ADAMTS3: variants seen among roughly 807,000 people sequenced by gnomAD.
ADAMTS3 encodes ADAM metallopeptidase with thrombospondin type 1 motif 3.
In ADAMTS3, 73 loss-of-function variants were observed where a neutral mutation model predicts 129.0. That is an observed-to-expected ratio of 0.57 (90% CI 0.47 to 0.69). The LOEUF is 0.69. Among genes scored for constraint, ADAMTS3 ranks in the 30% least tolerant of loss-of-function variants. ADAMTS3 has a pLI of 0.00. For synonymous variants in ADAMTS3, 477 were observed against 510.8 expected, an observed-to-expected ratio of 0.93 and a Z score of 0.89; for missense variants, 1,457 against 1,514.5, an observed-to-expected ratio of 0.96 and a Z score of 0.63.
chr4:72,485,754 C>A (rs960826102), intron 3 of ADAMTS3, among the ~76,000 whole-genome samples: 2 of 152,150 alleles, frequency 1.3e-5, no homozygotes, highest in African/African-American at 4.8e-5. Flanking sequence ...AAAATTCATA[C>A]GTTGAAACCT....
intron 14 of ADAMTS3, among the ~76,000 whole-genome samples, chr4:72,310,750 C>A (rs564469184): frequency 2.0e-5 from 3 of 151,698 alleles, no homozygotes; most frequent in Non-Finnish European, 1.5e-5. Flanking sequence ...CTAAAATACC[C>A]GAAGCAAATG....
At chr4:72,546,569 C>G (rs1370353226) in intron 3 of ADAMTS3, among the ~76,000 whole-genome samples, 1 of 152,154 alleles carries the variant, frequency 6.6e-6, no homozygotes, top group Admixed American at 6.6e-5. Flanking sequence ...AGTTCTTCCA[C>G]TCACAACCAG....
At chr4:72,464,677 GCAA>G (rs750824657) in intron 3 of ADAMTS3, among the ~76,000 whole-genome samples, 1 of 151,944 alleles carries the variant, frequency 6.6e-6, no homozygotes, top group Non-Finnish European at 1.5e-5. Context: ...AATACTAATG[GCAA>G]CAACTAAGAA....
chr4:72,530,810 T>G (rs1245125095), intron 3 of ADAMTS3, among the ~76,000 whole-genome samples: 16 of 118,468 alleles, frequency 1.4e-4, no homozygotes, highest in African/African-American at 3.9e-4. Flanking sequence ...ATATATTATA[T>G]ATTATATATT....
intron 4 of ADAMTS3, among the ~76,000 whole-genome samples, chr4:72,382,190 T>A (rs1174485249): frequency 6.6e-6 from 1 of 152,136 alleles, no homozygotes; most frequent in East Asian, 1.9e-4. Flanking sequence ...ATATATTTTA[T>A]ATTATGGCAC....
chr4:72,311,165 G>A lies in ADAMTS3; in HGVS notation c.1938C>T (p.His646=), dbSNP rs1719224931. 1.2e-6 allele frequency: 2 copies of A among 1,610,680 alleles called. No homozygotes were observed. Among genetic ancestry groups the A allele is most frequent in the South Asian group, 2.2e-5 (2 of 90,654 alleles). Reference sequence around the variant, plus strand: ...CAGTCTCCTTGGACTGACAGTAAAGGTGGCATCTTTTCTTGGCTGCATAAG... The same window carrying A: ...CAGTCTCCTTGGACTGACAGTAAAGATGGCATCTTTTCTTGGCTGCATAAG... ...YEHPDPKKRC[H]LYCQSKETGD... is the part of the protein sequence containing the mutation. The change falls in exon 14 of 22, where the codon CAC becomes CAT. Residue 646 remains histidine, a synonymous_variant. Coordinates refer to ENST00000286657, the MANE Select transcript of ADAMTS3 (RefSeq NM_014243.3).
intron 3 of ADAMTS3, among the ~76,000 whole-genome samples, chr4:72,489,524 G>T (rs1719684126): frequency 6.6e-6 from 1 of 151,818 alleles, no homozygotes; most frequent in African/African-American, 2.4e-5. Flanking sequence ...GTCTGCTCCT[G>T]ACAGCCAACC....
chr4:72,339,605 G>C lies in ADAMTS3; in HGVS notation c.750C>G (p.His250Gln). Reference sequence around the variant, plus strand: ...CGATATTGTAATCGTTTTCTCCCGCGTGTCTGCGGCGTCTCATTGTTTCAT... The same window carrying C: ...CGATATTGTAATCGTTTTCTCCCGCCTGTCTGCGGCGTCTCATTGTTTCAT... ...QLNETMRRRR[H>Q]AGENDYNIEV... The change falls in exon 5 of 22, where the codon CAC becomes CAG. Residue 250 changes from histidine to glutamine, a missense_variant. By Grantham distance (24) the His-to-Gln change is conservative. Coordinates refer to ENST00000286657, the MANE Select transcript of ADAMTS3 (RefSeq NM_014243.3). 2 of 1,613,934 alleles carry C rather than the reference G, an allele frequency of 1.2e-6. No individual in the cohort carries two copies. The highest frequency in any genetic ancestry group is 1.7e-6 in the Non-Finnish European group (2 of 1,179,888).
At chr4:72,302,025 C>T (rs1718962911) in intron 17 of ADAMTS3, among the ~76,000 whole-genome samples, 1 of 151,906 alleles carries the variant, frequency 6.6e-6, no homozygotes, top group Non-Finnish European at 1.5e-5. Flanking sequence ...CATGAAAGGC[C>T]ACACCATGGG....
chr4:72,352,351 A>G lies in ADAMTS3; in HGVS notation c.662-12658T>C, dbSNP rs16847853. Among the ~76,000 whole-genome samples the G allele has an allele frequency of 1.6e-3, 242 of 152,128 alleles. 1 individual carries two copies. The highest frequency in any genetic ancestry group is 5.4e-3 in the African/African-American group (223 of 41,552). ...AGAAAGAATGTGATTCCACATCTCAATTCATTCAGTGGTTTTAAAGATCTA... is the reference window on the plus strand; with the variant it reads ...AGAAAGAATGTGATTCCACATCTCAGTTCATTCAGTGGTTTTAAAGATCTA... On this transcript the variant is annotated intron_variant, in intron 4 of 21. Transcript: ENST00000286657.
chr4:72,515,193 C>T (rs927608139), intron 3 of ADAMTS3, among the ~76,000 whole-genome samples: 1 of 152,162 alleles, frequency 6.6e-6, no homozygotes, highest in African/African-American at 2.4e-5. Context: ...GCATAGCATT[C>T]CATGGTGTAT....
chr4:72,477,060 C>T (rs1263867372), intron 3 of ADAMTS3, among the ~76,000 whole-genome samples: 2 of 151,954 alleles, frequency 1.3e-5, no homozygotes, highest in Non-Finnish European at 2.9e-5. Flanking sequence ...TTCAAAAAAC[C>T]TATAGATAAC....
intron 4 of ADAMTS3, among the ~76,000 whole-genome samples, chr4:72,407,949 AGT>A (rs1722090989): frequency 6.6e-6 from 1 of 152,152 alleles, no homozygotes; most frequent in African/African-American, 2.4e-5. Flanking sequence ...AAATGCTTCC[AGT>A]ATATAGTCCC....
chr4:72,554,036 T>C (rs1223434899), intron 2 of ADAMTS3, among the ~76,000 whole-genome samples: 2 of 152,206 alleles, frequency 1.3e-5, no homozygotes, highest in African/African-American at 2.4e-5. Flanking sequence ...CTAATTATAA[T>C]GTAAAAAAAT....
At chr4:72,518,035 C>A (rs189030256) in intron 3 of ADAMTS3, among the ~76,000 whole-genome samples, 1 of 151,566 alleles carries the variant, frequency 6.6e-6, no homozygotes, top group African/African-American at 2.4e-5. Flanking sequence ...TGGTATGTTG[C>A]GTCTTTGTTC....
chr4:72,534,243 C>T (rs777055114), intron 3 of ADAMTS3, among the ~76,000 whole-genome samples: 14 of 151,984 alleles, frequency 9.2e-5, no homozygotes, highest in Non-Finnish European at 1.9e-4. Context: ...AGGAGAATGG[C>T]GTGAACCCGG....
At chr4:72,398,511 G>A (rs964853615) in intron 4 of ADAMTS3, among the ~76,000 whole-genome samples, 1 of 152,158 alleles carries the variant, frequency 6.6e-6, no homozygotes, top group African/African-American at 2.4e-5. Context: ...GGAAGCGGAG[G>A]TTGCAGTGAG....
intron 4 of ADAMTS3, among the ~76,000 whole-genome samples, chr4:72,413,501 A>G (rs1445751984): frequency 2.6e-5 from 4 of 152,050 alleles, no homozygotes; most frequent in Non-Finnish European, 5.9e-5. Flanking sequence ...ACAATGACTA[A>G]TGCTTCAACT....
chr4:72,311,008 G>A (rs765583881), intron 14 of ADAMTS3, 40 bp downstream of exon 14: 1 of 1,532,478 alleles, frequency 6.5e-7, no homozygotes, highest in Non-Finnish European at 8.8e-7. Context: ...AGTAAACGTA[G>A]ATAACGTAGA....
Sources: gnomAD v4.1 joint callset for allele counts (sites outside exome capture counted in the v4.1 genomes callset) on GRCh38, gnomAD v4.1.1 for gene constraint, MANE v1.5 for transcripts, NCBI Gene and HGNC (gene_info 2026-07-23, HGNC 2026-07-21) for gene names.